The following ZNF586 variants were observed in gnomAD, a reference collection of about 807,000 sequenced individuals.
ZNF586 encodes the protein zinc finger protein 586.
ZNF586 carries 7 observed loss-of-function variants against 6.7 expected under a neutral mutation model. The observed-to-expected ratio is 1.04, with a 90% confidence interval of 0.59 to 1.95. The LOEUF (loss-of-function observed/expected upper bound fraction) is 1.95. Among genes scored for constraint, ZNF586 ranks in the 30% most tolerant of loss-of-function variants. ZNF586 has a pLI of 0.00. For missense variants in ZNF586, 442 were observed against 489.6 expected (o/e 0.90, Z 0.92); for synonymous variants, 166 against 168.7 (o/e 0.98, Z 0.12).
chr19:57,770,432 AGTT>A lies in ZNF586; in HGVS notation c.36+558_36+560del, dbSNP rs1358614777. 3.9e-5 allele frequency among the ~76,000 whole-genome samples: 6 copies of A among 152,170 alleles called. No individual in the cohort carries two copies. In the East Asian group the frequency reaches 9.7e-4, roughly 25 times the overall value. On this transcript the variant is annotated intron_variant, in intron 1 of 2. Transcript: ENST00000396154. ...GAGCCACCGCGCCTGGCCGAGGCGG[AGTT>A]GTTTCTTCAGTACCAGGCTGAGGGT...
intron 1 of ZNF586, among the ~76,000 whole-genome samples, chr19:57,775,699 T>C (rs1435094034): frequency 2.0e-5 from 3 of 149,036 alleles, no homozygotes; most frequent in Non-Finnish European, 4.4e-5. Flanking sequence ...ATCTCCTGGG[T>C]TCAAATGATT....
In ZNF586 at chr19:57,769,697, A is replaced by G. The variant is rs904156681; in HGVS notation, c.-146A>G. The G allele has an allele frequency of 1.5e-4, 128 of 858,142 alleles. No homozygotes were observed. Among genetic ancestry groups the G allele is most frequent in the Non-Finnish European group, 2.1e-4 (114 of 545,746 alleles). 53.2% of individuals were successfully genotyped at this position (858,142 alleles called of 1,614,324 possible). A position where few individuals can be genotyped will look rare whatever the true frequency, so the allele number is the denominator to read the frequency against. ...TTTGGCCTGTCAGGTCCATCCGGCG[A>G]TGCTGGGTCTGGACGAGCTCGGGAG... On this transcript the variant is annotated 5_prime_UTR_variant, in exon 1 of 3. The change abolishes an upstream ATG in the 5' untranslated region. Coordinates refer to ENST00000396154, the MANE Select transcript of ZNF586 (RefSeq NM_017652.4).
At chr19:57,770,382 C>T (rs1987066710) in intron 1 of ZNF586, among the ~76,000 whole-genome samples, 1 of 152,094 alleles carries the variant, frequency 6.6e-6, no homozygotes, top group Non-Finnish European at 1.5e-5. Context: ...ACCTCGGCCT[C>T]CCAAAGTGCT....
Position 57,779,827 on chromosome 19 carries a change from T to G in ZNF586, c.*31T>G. On this transcript the variant is annotated 3_prime_UTR_variant, in exon 3 of 3. Transcript: ENST00000396154. ...ATTTTGGAAATTCTCTTGCCCAGGC[T>G]TTTTGCTCCTTCAAGGCCAGAGAGT... 6.5e-7 allele frequency: 1 copy of G among 1,540,018 alleles called. No individual in the cohort carries two copies. The highest frequency in any genetic ancestry group is 8.8e-7 in the Non-Finnish European group (1 of 1,142,022).
chr19:57,775,875 T>C (rs1235436934), intron 1 of ZNF586, among the ~76,000 whole-genome samples: 1 of 152,166 alleles, frequency 6.6e-6, no homozygotes, highest in Non-Finnish European at 1.5e-5. Context: ...TTACTGGGAT[T>C]ACAGGCGTGC....
At chr19:57,776,768 T>C in intron 2 of ZNF586, 99 bp downstream of exon 2, 1 of 1,360,182 alleles carries the variant, frequency 7.4e-7, no homozygotes, top group South Asian at 1.6e-5. Flanking sequence ...ACAGCTTCAT[T>C]CTCCAGTTCT....
rs1339606064 is a variant in ZNF586, at chr19:57,779,528, G to C, written c.941G>C (p.Gly314Ala). Reference sequence around the variant, plus strand: ...ATTCACCATCAGCGAGTTCATACTGGAGAAAGGCATGAGTGCGGGCAGTGT... The same window carrying C: ...ATTCACCATCAGCGAGTTCATACTGCAGAAAGGCATGAGTGCGGGCAGTGT... ...NLIHHQRVHT[G>A]ERHECGQCGK... The change falls in exon 3 of 3, where the codon GGA (glycine) becomes GCA (alanine). Residue 314 changes from glycine (G) to alanine (A), a missense_variant. Physicochemically the swap from Gly to Ala is moderately conservative, Grantham distance 60. Transcript: ENST00000396154. 2 of 1,613,882 alleles carry C rather than the reference G, an allele frequency of 1.2e-6. No homozygotes were observed. The highest frequency in any genetic ancestry group is 2.2e-5 in the South Asian group (2 of 91,082).
intron 1 of ZNF586, among the ~76,000 whole-genome samples, chr19:57,770,923 G>A (rs1450543994): frequency 2.0e-5 from 3 of 151,920 alleles, no homozygotes; most frequent in African/African-American, 7.3e-5. Context: ...CGATCACGGC[G>A]CAGCACGGCC....
Position 57,779,714 on chromosome 19 carries a change from T to C in ZNF586, c.1127T>C (p.Ile376Thr), listed in dbSNP as rs77954539. The C allele has an allele frequency of 5.7e-3, 9,261 of 1,614,004 alleles. 442 individuals are homozygous for C. In the African/African-American group the frequency reaches 0.1, roughly 18 times the overall value. Residue 376 changes from isoleucine to threonine, a missense_variant, in exon 3 of 3, where the codon ATT becomes ACT. Ile to Thr is a moderately conservative substitution (Grantham distance 89). Transcript: ENST00000396154. ...ACTGGAGAAAGGCCATATGAATGCA[T>C]TGATTGTGGAAAATCATTTCGCCAC... ...VHTGERPYEC[I>T]DCGKSFRHSS...
Position 57,769,810 on chromosome 19 carries a change from C to T in ZNF586, c.-33C>T, listed in dbSNP as rs1408186699. On this transcript the variant is annotated 5_prime_UTR_variant, in exon 1 of 3. Transcript: ENST00000396154. ...CGGGACAGGACAACGACAGGAACAC[C>T]GCCGAGCCCGCGTTCCCCCCCCGCC... is the stretch of plus-strand genomic sequence containing the variant. 2 of 1,538,850 alleles carry T rather than the reference C, an allele frequency of 1.3e-6. No homozygotes were observed. Among genetic ancestry groups the T allele is most frequent in the South Asian group, 1.2e-5 (1 of 83,930 alleles).
Position 57,779,621 on chromosome 19 carries a change from A to T in ZNF586, c.1034A>T (p.Tyr345Phe), listed in dbSNP as rs375483901. ...HLRVHTGERP[Y>F]ECSDCGKSFA... Reference sequence around the variant, plus strand: ...AGAGTTCACACTGGAGAAAGGCCTTATGAGTGCAGTGACTGTGGGAAATCC... The same window carrying T: ...AGAGTTCACACTGGAGAAAGGCCTTTTGAGTGCAGTGACTGTGGGAAATCC... Residue 345 changes from tyrosine to phenylalanine, a missense_variant, in exon 3 of 3, where the codon TAT becomes TTT. By Grantham distance (22) the Tyr-to-Phe change is conservative. Coordinates refer to ENST00000396154, the MANE Select transcript of ZNF586 (RefSeq NM_017652.4). 1.5e-5 allele frequency: 24 copies of T among 1,614,004 alleles called. No individual in the cohort carries two copies. The highest frequency in any genetic ancestry group is 2.0e-5 in the Non-Finnish European group (24 of 1,180,014).
intron 1 of ZNF586, among the ~76,000 whole-genome samples, chr19:57,773,402 C>CTTTTT (rs35585717): frequency 9.7e-5 from 9 of 92,792 alleles, no homozygotes; most frequent in African/African-American, 3.2e-4. Flanking sequence ...TCTTCTTCTT[C>CTTTTT]TTTTTTTTTT....
intron 1 of ZNF586, among the ~76,000 whole-genome samples, chr19:57,774,542 A>AT (rs1987180290): frequency 9.2e-6 from 1 of 108,610 alleles, no homozygotes; most frequent in Non-Finnish European, 1.7e-5. Context: ...AAATAAATAA[A>AT]TAAATAAATA....
chr19:57,780,524 C>CA lies in ZNF586; in HGVS notation c.*729dup, dbSNP rs1420549764. ...CAGCCTGCCAGTCATGAATCTCAGA[C>CA]AGCCTGCCACCTATTGCCCTGATTT... is the stretch of plus-strand genomic sequence containing the variant. On this transcript the variant is annotated 3_prime_UTR_variant, in exon 3 of 3. Coordinates refer to ENST00000396154, the MANE Select transcript of ZNF586 (RefSeq NM_017652.4). The CA allele has an allele frequency of 1.3e-5, 2 of 152,206 alleles. No homozygotes were observed. The highest frequency in any genetic ancestry group is 2.4e-5 in the African/African-American group (1 of 41,432). The allele number at this position is 152,206 out of a possible 1,614,324, so 9.4% of individuals were successfully genotyped here. A position where few individuals can be genotyped will look rare whatever the true frequency, so the allele number is the denominator to read the frequency against.
At chr19:57,774,468 A>G (rs990125783) in intron 1 of ZNF586, among the ~76,000 whole-genome samples, 6 of 151,744 alleles carry the variant, frequency 4.0e-5, no homozygotes, top group Non-Finnish European at 8.8e-5. Flanking sequence ...GGTTGCGGTG[A>G]GCTGAGATCG....
At chr19:57,771,920 G>A (rs1398585508) in intron 1 of ZNF586, among the ~76,000 whole-genome samples, 1 of 152,172 alleles carries the variant, frequency 6.6e-6, no homozygotes, top group African/African-American at 2.4e-5. Context: ...CGCCTCCTGA[G>A]TTCAAGCGAT....
At position 57,778,762 on chromosome 19, in the gene ZNF586, G is replaced by A. The variant is rs752388256; in HGVS notation, c.175G>A (p.Gly59Arg). Residue 59 changes from glycine (G) to arginine (R), a missense_variant, in exon 3 of 3, where the codon GGA becomes AGA. Gly to Arg is a moderately radical substitution (Grantham distance 125). Transcript: ENST00000396154. ...TTCTTTGCTTTTAGGTTGTTGGCAT[G>A]GAGGGGAAGATGAGGCAGCACCTTC... ...TLISSLGCWH[G>R]GEDEAAPSKQ... 1.6e-5 allele frequency: 26 copies of A among 1,604,334 alleles called. No individual in the cohort carries two copies. Among genetic ancestry groups the A allele is most frequent in the Admixed American group, 1.2e-4 (7 of 58,556 alleles).
chr19:57,780,122 C>T lies in ZNF586; in HGVS notation c.*326C>T, dbSNP rs1987351499. 6.5e-6 allele frequency: 2 copies of T among 305,838 alleles called. No homozygotes were observed. Among genetic ancestry groups the T allele is most frequent in the Non-Finnish European group, 1.2e-5 (2 of 166,362 alleles). The allele number at this position is 305,838 out of a possible 1,614,324, so 18.9% of individuals were successfully genotyped here. A position where few individuals can be genotyped will look rare whatever the true frequency, so the allele number is the denominator to read the frequency against. On this transcript the variant is annotated 3_prime_UTR_variant, in exon 3 of 3. Transcript: ENST00000396154. ...CCATCTGCCTAAATTGAATGTCATA[C>T]ATCAAATAGCTGCATACATTCCAGG...
In ZNF586 at chr19:57,780,087, T is replaced by G; in HGVS notation, c.*291T>G. 1 of 391,508 alleles carries G rather than the reference T, an allele frequency of 2.6e-6. No individual in the cohort carries two copies. Among genetic ancestry groups the G allele is most frequent in the Non-Finnish European group, 4.5e-6 (1 of 220,450 alleles). 24.3% of individuals were successfully genotyped at this position (391,508 alleles called of 1,614,324 possible). A position where few individuals can be genotyped will look rare whatever the true frequency, so the allele number is the denominator to read the frequency against. On this transcript the variant is annotated 3_prime_UTR_variant, in exon 3 of 3. Coordinates refer to ENST00000396154, the MANE Select transcript of ZNF586 (RefSeq NM_017652.4). ...CAATATAACACTGGAGGAAACCCCT[T>G]ATGAGGATGCCATCTGCCTAAATTG... is the stretch of plus-strand genomic sequence containing the variant.
Sources: allele counts gnomAD v4.1 joint callset (sites outside exome capture counted in the v4.1 genomes callset), GRCh38; gene constraint gnomAD v4.1.1; transcripts MANE v1.5; gene names NCBI Gene and HGNC (gene_info 2026-07-23, HGNC 2026-07-21).